The following CNNM4 variants were observed in gnomAD, a reference collection of about 807,000 sequenced individuals.
CNNM4 encodes metal transporter CNNM4.
In CNNM4, 32 loss-of-function variants were observed where a neutral mutation model predicts 53.7. The observed-to-expected ratio is 0.60, with a 90% confidence interval of 0.45 to 0.80. The LOEUF (loss-of-function observed/expected upper bound fraction) is 0.80, where lower values mean the gene tolerates loss of function less well. Among genes scored for constraint, CNNM4 ranks in the 30% least tolerant of loss-of-function variants. CNNM4 has a pLI of 0.00. For synonymous variants in CNNM4, 410 were observed against 440.0 expected (o/e 0.93, Z 0.85); for missense variants, 784 against 1,022.0 (o/e 0.77, Z 3.17).
At chr2:96,793,476 C>T (rs912923897) in intron 1 of CNNM4, among the ~76,000 whole-genome samples, 5 of 152,300 alleles carry the variant, frequency 3.3e-5, no homozygotes, top group Non-Finnish European at 4.4e-5. Context: ...GAGGGGTGAA[C>T]GTGTACATGG....
In CNNM4 at chr2:96,765,803, T is replaced by C. The variant is rs561752953; in HGVS notation, c.1402+3402T>C. 2.0e-5 allele frequency among the ~76,000 whole-genome samples: 3 copies of C among 151,702 alleles called. No homozygotes were observed. In the South Asian group the frequency reaches 6.3e-4, roughly 32 times the overall value. On this transcript the variant is annotated intron_variant, in intron 1 of 6. Transcript: ENST00000377075. Reference sequence around the variant, plus strand: ...TTTCTTTCTTTCTTTCTTTCTTTTTTTTTTTTTTGAGACGGAGTTTCGCTC... The same window carrying C: ...TTTCTTTCTTTCTTTCTTTCTTTTTCTTTTTTTTGAGACGGAGTTTCGCTC...
intron 1 of CNNM4, among the ~76,000 whole-genome samples, chr2:96,770,843 G>A (rs1346298988): frequency 6.6e-6 from 1 of 152,206 alleles, no homozygotes; most frequent in East Asian, 1.9e-4. Flanking sequence ...GAGTGTGTAT[G>A]GAAAGGCAGC....
rs2079226019 is a variant in CNNM4, at chr2:96,808,204, C to T, written c.1949-357C>T. 6.6e-6 allele frequency among the ~76,000 whole-genome samples: 1 copy of T among 152,084 alleles called. No homozygotes were observed. The highest frequency in any genetic ancestry group is 6.5e-5 in the Admixed American group (1 of 15,272). ...TGCCCAGCCTAAGAATGGCAGTTTG[C>T]CTGTCCTGCTAGGATGATCATTGTG... On this transcript the variant is annotated intron_variant, in intron 5 of 6. Coordinates refer to ENST00000377075, the MANE Select transcript of CNNM4 (RefSeq NM_020184.4). The surrounding 1 kb of genome is among the most constrained non-coding windows in gnomAD (Gnocchi z 4.9).
intron 1 of CNNM4, among the ~76,000 whole-genome samples, chr2:96,789,336 G>A (rs1157130235): frequency 1.3e-5 from 2 of 152,216 alleles, no homozygotes; most frequent in Non-Finnish European, 2.9e-5. Flanking sequence ...GGAGCAGGAG[G>A]AGCTGTGAGG....
Position 96,800,302 on chromosome 2 carries a change from G to A in CNNM4, c.1948+654G>A, listed in dbSNP as rs776918777. On this transcript the variant is annotated intron_variant, in intron 5 of 6. Transcript: ENST00000377075. This position sits in a 1 kb window ranked among gnomAD's most constrained non-coding sequence, Gnocchi z 4.6. The stretch of plus-strand genomic sequence containing the variant: ...ACAAGGCCCCGCAGGCCCAGGTCTC[G>A]CCAGCTCATCTCCTCGCTCCTCTCC... Among the ~76,000 whole-genome samples the A allele has an allele frequency of 6.6e-6, 1 of 152,154 alleles. No individual in the cohort carries two copies. Among genetic ancestry groups the A allele is most frequent in the African/African-American group, 2.4e-5 (1 of 41,428 alleles).
chr2:96,793,582 G>A (rs1316086104), intron 1 of CNNM4, among the ~76,000 whole-genome samples: 2 of 152,228 alleles, frequency 1.3e-5, no homozygotes, highest in East Asian at 3.9e-4. Context: ...AGGGGTCTCA[G>A]AGAGGAGGCG....
In CNNM4 at chr2:96,797,540, C is replaced by A. The variant is rs1409504281; in HGVS notation, c.1574C>A (p.Ser525Tyr). 6.2e-7 allele frequency: 1 copy of A among 1,614,096 alleles called. No individual in the cohort carries two copies. The highest frequency in any genetic ancestry group is 8.5e-7 in the Non-Finnish European group (1 of 1,180,048). ...GACAACCGAAGCCGGAAGCGGGTGTCTGAGAAGAACAAGCGTGACTTCTCT... is the reference window on the plus strand; with the variant it reads ...GACAACCGAAGCCGGAAGCGGGTGTATGAGAAGAACAAGCGTGACTTCTCT... The part of the protein sequence containing the change: ...YTDNRSRKRV[S>Y]EKNKRDFSAF... Residue 525 changes from serine to tyrosine, a missense_variant, in exon 3 of 7, where the codon TCT becomes TAT. This residue lies in a region of CNNM4 where 307 missense variants were observed against 376.3 expected (regional missense o/e 0.82). Transcript: ENST00000377075. The surrounding 1 kb of genome is among the most constrained non-coding windows in gnomAD (Gnocchi z 6.0).
At chr2:96,806,086 C>T (rs1477134723) in intron 5 of CNNM4, among the ~76,000 whole-genome samples, 2 of 145,786 alleles carry the variant, frequency 1.4e-5, no homozygotes, top group Admixed American at 1.3e-4. Context: ...GGCTGACCCC[C>T]CCCAACCTCC....
chr2:96,797,777 C>A lies in CNNM4; in HGVS notation c.1681+130C>A. On this transcript the variant is annotated intron_variant, in intron 3 of 6. Coordinates refer to ENST00000377075, the MANE Select transcript of CNNM4 (RefSeq NM_020184.4). This position sits in a 1 kb window ranked among gnomAD's most constrained non-coding sequence, Gnocchi z 6.0. ...GAGGGGTGCAGAGACAACACAGCCA[C>A]CCCTGGAAGGGGCCGGGTATCTGCT... The A allele has an allele frequency of 1.6e-6, 2 of 1,283,622 alleles. No individual in the cohort carries two copies. The highest frequency in any genetic ancestry group is 2.0e-5 in the Admixed American group (1 of 51,112). 79.5% of individuals were successfully genotyped at this position (1,283,622 alleles called of 1,614,324 possible).
In CNNM4 at chr2:96,809,512, A is replaced by G; in HGVS notation, c.2323A>G (p.Ile775Val). 6.2e-7 allele frequency: 1 copy of G among 1,614,150 alleles called. No individual in the cohort carries two copies. Among genetic ancestry groups the G allele is most frequent in the Non-Finnish European group, 8.5e-7 (1 of 1,180,004 alleles). The change falls in exon 7 of 7, where the codon ATC becomes GTC. Residue 775 changes from isoleucine to valine, a missense_variant. This residue lies in a region of CNNM4 where 307 missense variants were observed against 376.3 expected (regional missense o/e 0.82). Transcript: ENST00000377075. ...LLHKASHENA[I>V] ...GCACAAAGCCTCCCACGAGAATGCC[A>G]TCTGACAGGAGGGCCCGGGGCCCCC... is the stretch of plus-strand genomic sequence containing the variant.
chr2:96,786,744 A>G (rs1425116356), intron 1 of CNNM4, among the ~76,000 whole-genome samples: 1 of 139,498 alleles, frequency 7.2e-6, no homozygotes, highest in Non-Finnish European at 1.5e-5. Context: ...GCACCACTGC[A>G]CTCCATCCTG....
intron 5 of CNNM4, among the ~76,000 whole-genome samples, chr2:96,804,779 GC>G (rs2153350873): frequency 6.6e-6 from 1 of 151,316 alleles, no homozygotes; most frequent in East Asian, 2.0e-4. Context: ...TAGGTGATCC[GC>G]CCGCCTCAGC....
At chr2:96,766,600 C>T (rs192189403) in intron 1 of CNNM4, among the ~76,000 whole-genome samples, 37 of 152,262 alleles carry the variant, frequency 2.4e-4, no homozygotes, top group African/African-American at 8.9e-4. Context: ...CTTCTCGTAG[C>T]ACACATTGCT....
At position 96,800,586 on chromosome 2, in the gene CNNM4, G is replaced by A. The variant is rs1335971232; in HGVS notation, c.1948+938G>A. 6.6e-6 allele frequency among the ~76,000 whole-genome samples: 1 copy of A among 152,218 alleles called. No individual in the cohort carries two copies. On this transcript the variant is annotated intron_variant, in intron 5 of 6. Transcript: ENST00000377075. The surrounding 1 kb of genome is among the most constrained non-coding windows in gnomAD (Gnocchi z 4.6). ...GAGTGGGGCATGGCAGGCTCCCTGG[G>A]CAGGGGACAGACAGGGCCCCAGAGC...
At chr2:96,804,018 C>A (rs931681824) in intron 5 of CNNM4, among the ~76,000 whole-genome samples, 1 of 151,940 alleles carries the variant, frequency 6.6e-6, no homozygotes, top group Admixed American at 6.6e-5. Context: ...CCCACCTCAG[C>A]CTCCCAAGTA....
At chr2:96,809,159 C>G (rs1421955369) in intron 6 of CNNM4, 161 bp from the exon 7 acceptor site, 1 of 1,485,134 alleles carries the variant, frequency 6.7e-7, no homozygotes, top group Non-Finnish European at 9.1e-7. Flanking sequence ...GCTTTCTTCT[C>G]TTGTTCGTGC....
chr2:96,803,640 C>G (rs1434894523), intron 5 of CNNM4, among the ~76,000 whole-genome samples: 1 of 151,606 alleles, frequency 6.6e-6, no homozygotes, highest in East Asian at 1.9e-4. Flanking sequence ...GCAAGAGAAT[C>G]GCTTGAACCC....
intron 5 of CNNM4, among the ~76,000 whole-genome samples, chr2:96,806,525 ACACACACACACGCG>A (rs1388653334): frequency 9.9e-5 from 14 of 141,906 alleles, no homozygotes; most frequent in Admixed American, 1.4e-4. Flanking sequence ...ACACACACAC[ACACACACACACGCG>A]CGCGCGCGCG....
intron 5 of CNNM4, among the ~76,000 whole-genome samples, chr2:96,806,524 C>T (rs1314956347): frequency 1.4e-5 from 2 of 142,514 alleles, no homozygotes; most frequent in African/African-American, 5.4e-5. Context: ...CACACACACA[C>T]ACACACACAC....
Sources: gnomAD v4.1 joint callset for allele counts (sites outside exome capture counted in the v4.1 genomes callset) on GRCh38, gnomAD v4.1.1 for gene constraint, gnomAD v4.1.1 regional missense constraint, Gnocchi (gnomAD v3.1) non-coding constraint, MANE v1.5 for transcripts, NCBI Gene and HGNC (gene_info 2026-07-23, HGNC 2026-07-21) for gene names.